CCDC60: variants seen among roughly 807,000 people sequenced by gnomAD.
The protein encoded by CCDC60 is coiled-coil domain containing 60, also known as coiled-coil domain-containing protein 60.
Under a neutral mutation model 63.5 loss-of-function variants are expected in CCDC60, and 54 were observed. That is an observed-to-expected ratio of 0.85 (90% confidence interval 0.68 to 1.07). CCDC60 has a LOEUF of 1.07. CCDC60 is among the 50% of genes least tolerant of loss of function. The pLI is 0.00. For missense variants in CCDC60, 651 were observed against 684.3 expected (o/e 0.95, Z 0.54); for synonymous variants, 206 against 238.8 (o/e 0.86, Z 1.27).
At chr12:119,336,529 C>T (rs12368789) in intron 1 of CCDC60, among the ~76,000 whole-genome samples, 12,161 of 152,232 alleles carry the variant, frequency 0.08, 631 homozygotes, top group Middle Eastern at 0.17. Flanking sequence ...TGCTGGTCTC[C>T]AGAAACAGGC....
chr12:119,443,968 T>TAC (rs956122652), intron 2 of CCDC60, among the ~76,000 whole-genome samples: 25 of 152,208 alleles, frequency 1.6e-4, no homozygotes, highest in Non-Finnish European at 2.1e-4. Flanking sequence ...CAGGCACACA[T>TAC]ACACACACAC....
intron 2 of CCDC60, among the ~76,000 whole-genome samples, chr12:119,444,841 C>A (rs1435016325): frequency 6.6e-6 from 1 of 152,140 alleles, no homozygotes; most frequent in Non-Finnish European, 1.5e-5. Flanking sequence ...TATCCCTGCT[C>A]GATCTAAGGG....
At position 119,434,258 on chromosome 12, in the gene CCDC60, G is replaced by A. The variant is rs190898789; in HGVS notation, c.170+5496G>A. 2.1e-5 allele frequency among the ~76,000 whole-genome samples: 3 copies of A among 144,750 alleles called. No homozygotes were observed. The East Asian group carries it at 6.3e-4, about 30-fold the overall frequency. The allele number at this position is 144,750 out of a possible 152,430, so 95.0% of individuals were successfully genotyped here. On this transcript the variant is annotated intron_variant, in intron 2 of 13. Coordinates refer to ENST00000327554, the MANE Select transcript of CCDC60 (RefSeq NM_178499.5). Reference sequence around the variant, plus strand: ...TTAGAAATAACAAAGGTGGAATTTGGGGCAGAGAAAGAAGCTATTCTTTTT... The same window carrying A: ...TTAGAAATAACAAAGGTGGAATTTGAGGCAGAGAAAGAAGCTATTCTTTTT...
At chr12:119,523,888 C>T in intron 11 of CCDC60, 70 bp downstream of exon 11, 34 of 1,515,358 alleles carry the variant, frequency 2.2e-5, no homozygotes, top group Non-Finnish European at 2.8e-5. Flanking sequence ...CTGCCAGGTG[C>T]CAGGTGCTGG....
intron 1 of CCDC60, among the ~76,000 whole-genome samples, chr12:119,340,418 A>G (rs900577222): frequency 6.6e-6 from 1 of 152,164 alleles, no homozygotes; most frequent in Non-Finnish European, 1.5e-5. Context: ...GAAGATCCCC[A>G]GGGTCTAGTT....
chr12:119,404,290 CA>C (rs1327832128), intron 1 of CCDC60, among the ~76,000 whole-genome samples: 1 of 151,654 alleles, frequency 6.6e-6, no homozygotes, highest in Non-Finnish European at 1.5e-5. Flanking sequence ...ATTCTGTCTC[CA>C]AAAAAAATAA....
intron 11 of CCDC60, 26 bp downstream of exon 11, chr12:119,523,844 T>C: frequency 6.2e-7 from 1 of 1,612,018 alleles, no homozygotes; most frequent in Non-Finnish European, 8.5e-7. Context: ...TATCCATTCA[T>C]TCAAACAGCA....
rs148956638 is a variant in CCDC60, at chr12:119,537,469, G to A, written c.1552-3145G>A. On this transcript the variant is annotated intron_variant, in intron 13 of 13. Transcript: ENST00000327554. ...TGTTCCATTGCTGGCAAGGAGTTGC[G>A]ATCCTTTGGAGGAGAAGAGGTGCTC... 5.8e-3 allele frequency among the ~76,000 whole-genome samples: 883 copies of A among 152,336 alleles called. 4 individuals carry two copies. The highest frequency in any genetic ancestry group is 9.5e-3 in the Non-Finnish European group (647 of 68,038).
At chr12:119,525,917 T>C (rs948998035) in intron 11 of CCDC60, among the ~76,000 whole-genome samples, 20 of 152,118 alleles carry the variant, frequency 1.3e-4, no homozygotes, top group African/African-American at 4.8e-4. Context: ...AAAAATATTT[T>C]AAAAATTATA....
intron 2 of CCDC60, among the ~76,000 whole-genome samples, chr12:119,469,386 G>A (rs1326632167): frequency 6.6e-6 from 1 of 151,970 alleles, no homozygotes; most frequent in Non-Finnish European, 1.5e-5. Flanking sequence ...TCAGCCTCCC[G>A]AGTAGCTGGG....
Position 119,526,601 on chromosome 12 carries a change from C to T in CCDC60, c.1230-2014C>T, listed in dbSNP as rs551880350. ...AACCCATTGAAAAGTGGGCAAAGGA[C>T]ATGAACAGACACTTTCTTAAAAGAA... On this transcript the variant is annotated intron_variant, in intron 11 of 13. Coordinates refer to ENST00000327554, the MANE Select transcript of CCDC60 (RefSeq NM_178499.5). Among the ~76,000 whole-genome samples, 32 of 152,234 alleles carry T rather than the reference C, an allele frequency of 2.1e-4. 1 individual carries two copies. The highest frequency in any genetic ancestry group is 7.7e-4 in the African/African-American group (32 of 41,546).
chr12:119,372,745 C>A (rs182137364), intron 1 of CCDC60, among the ~76,000 whole-genome samples: 50 of 152,250 alleles, frequency 3.3e-4, no homozygotes, highest in African/African-American at 1.1e-3. Context: ...GGTTGCATAA[C>A]CCACTAAACA....
chr12:119,376,425 T>C, intron 1 of CCDC60, among the ~76,000 whole-genome samples: 1 of 152,032 alleles, frequency 6.6e-6, no homozygotes, highest in East Asian at 1.9e-4. Context: ...TCCAGGAGTT[T>C]GAAACCAGCC....
At chr12:119,344,843 T>TCC (rs1565963617) in intron 1 of CCDC60, among the ~76,000 whole-genome samples, 3 of 107,540 alleles carry the variant, frequency 2.8e-5, no homozygotes, top group Admixed American at 1.2e-4. Context: ...TCTTTCTCTC[T>TCC]CTCTCTCTCT....
intron 1 of CCDC60, among the ~76,000 whole-genome samples, chr12:119,396,157 C>T (rs1004009050): frequency 6.6e-6 from 1 of 152,046 alleles, no homozygotes; most frequent in Non-Finnish European, 1.5e-5. Context: ...AGGCTGGTGT[C>T]GAACTCCTGA....
intron 1 of CCDC60, among the ~76,000 whole-genome samples, chr12:119,365,277 A>C (rs1463610673): frequency 6.6e-6 from 1 of 152,228 alleles, no homozygotes; most frequent in African/African-American, 2.4e-5. Flanking sequence ...CAAAAGGGAC[A>C]GATTCAAGAA....
intron 1 of CCDC60, among the ~76,000 whole-genome samples, chr12:119,394,288 T>C (rs993221192): frequency 3.3e-5 from 5 of 152,246 alleles, no homozygotes; most frequent in Non-Finnish European, 7.3e-5. Flanking sequence ...CCTATGTCTG[T>C]CTGATACTAA....
At chr12:119,506,935 A>G (rs563698499) in intron 7 of CCDC60, among the ~76,000 whole-genome samples, 2 of 152,344 alleles carry the variant, frequency 1.3e-5, no homozygotes, top group South Asian at 4.1e-4. Context: ...AGGGTAAGAC[A>G]GGGACATGAA....
At chr12:119,443,092 C>G (rs749093695) in intron 2 of CCDC60, among the ~76,000 whole-genome samples, 3 of 152,222 alleles carry the variant, frequency 2.0e-5, no homozygotes, top group Non-Finnish European at 4.4e-5. Flanking sequence ...CAACGTGCAT[C>G]AGGAATATCA....
Sources: allele counts gnomAD v4.1 joint callset (sites outside exome capture counted in the v4.1 genomes callset), GRCh38; gene constraint gnomAD v4.1.1; transcripts MANE v1.5; gene names NCBI Gene and HGNC (gene_info 2026-07-23, HGNC 2026-07-21).